The following SYNJ2 variants were observed in gnomAD, a reference collection of about 807,000 sequenced individuals.
SYNJ2 encodes synaptojanin 2.
A neutral mutation model predicts 141.3 loss-of-function variants in SYNJ2; 116 were observed. That is an observed-to-expected ratio of 0.82 (90% CI 0.71 to 0.96). The LOEUF (loss-of-function observed/expected upper bound fraction) is 0.96, where lower values mean the gene tolerates loss of function less well. Ranked by LOEUF, SYNJ2 falls within the 40% of genes least tolerant of loss-of-function variation. The pLI is 0.00. For missense variants in SYNJ2, 1,873 were observed against 1,934.8 expected (o/e 0.97, Z 0.60); for synonymous variants, 745 against 777.7 (o/e 0.96, Z 0.70).
intron 6 of SYNJ2, among the ~76,000 whole-genome samples, chr6:158,057,032 C>T (rs1018455043): frequency 6.6e-6 from 1 of 152,038 alleles, no homozygotes; most frequent in Non-Finnish European, 1.5e-5. Context: ...TCAGTCTCTC[C>T]TCACAGGACA....
In SYNJ2 at chr6:158,017,578, C is replaced by T. The variant is rs1304740717; in HGVS notation, c.214+288C>T. The T allele has an allele frequency of 9.2e-6, 4 of 437,154 alleles. 1 individual carries two copies. Among genetic ancestry groups the T allele is most frequent in the Admixed American group, 6.7e-5 (2 of 29,722 alleles). 27.1% of individuals were successfully genotyped at this position (437,154 alleles called of 1,614,324 possible). A position where few individuals can be genotyped will look rare whatever the true frequency, so the allele number is the denominator to read the frequency against. On this transcript the variant is annotated intron_variant, in intron 2 of 26. Coordinates refer to ENST00000355585, the MANE Select transcript of SYNJ2 (RefSeq NM_003898.4). ...TACAGGCATGCGCCACCATGCCCAA[C>T]TAATTTTTTGTATTTTTAGTAGAGA...
At chr6:158,019,783 G>A (rs956801932) in intron 2 of SYNJ2, among the ~76,000 whole-genome samples, 17 of 152,218 alleles carry the variant, frequency 1.1e-4, no homozygotes, top group Non-Finnish European at 2.2e-4. Context: ...TGACTTTGGC[G>A]ATGTCAGGAT....
intron 18 of SYNJ2, among the ~76,000 whole-genome samples, chr6:158,080,605 C>T (rs1181155335): frequency 1.3e-5 from 2 of 150,940 alleles, no homozygotes; most frequent in Non-Finnish European, 2.9e-5. Context: ...GAATAAAGTC[C>T]GAGAAGTGAG....
chr6:157,999,424 C>G (rs559061504), intron 1 of SYNJ2, among the ~76,000 whole-genome samples: 1 of 152,352 alleles, frequency 6.6e-6, no homozygotes, highest in African/African-American at 2.4e-5. Flanking sequence ...GACCTTTTTC[C>G]CATGGGATGT....
chr6:158,067,944 CCTCTT>C lies in SYNJ2; in HGVS notation c.1718-700_1718-696del, dbSNP rs1319698916. On this transcript the variant is annotated intron_variant, in intron 12 of 26. Transcript: ENST00000355585. ...CCCTCCAGTCCCCACGAAAGTGACT[CCTCTT>C]CTTTTCCCTGCAGGAAGGTGTGCAT... 14 of 985,266 alleles carry C rather than the reference CCTCTT, an allele frequency of 1.4e-5. No individual in the cohort carries two copies. In the East Asian group the frequency reaches 1.0e-3, roughly 72 times the overall value. The allele number at this position is 985,266 out of a possible 1,614,324, so 61.0% of individuals were successfully genotyped here.
intron 2 of SYNJ2, among the ~76,000 whole-genome samples, chr6:158,024,559 C>CA (rs1778937251): frequency 6.6e-6 from 1 of 151,836 alleles, no homozygotes; most frequent in South Asian, 2.1e-4. Flanking sequence ...AGAGGACAGC[C>CA]AAAAAAAATT....
At chr6:158,083,849 A>G in intron 21 of SYNJ2, 152 bp from the exon 22 acceptor site, 1 of 998,820 alleles carries the variant, frequency 1.0e-6, no homozygotes, top group Non-Finnish European at 1.6e-6. Context: ...TACCAATGGA[A>G]CTGGGGTACC....
intron 2 of SYNJ2, among the ~76,000 whole-genome samples, chr6:158,020,172 T>G (rs965100788): frequency 2.0e-5 from 3 of 150,400 alleles, no homozygotes; most frequent in African/African-American, 7.4e-5. Context: ...ATGACTCCAA[T>G]TGTGTGACCC....
At chr6:158,005,171 A>G (rs1004002315) in intron 1 of SYNJ2, among the ~76,000 whole-genome samples, 37 of 146,984 alleles carry the variant, frequency 2.5e-4, no homozygotes, top group South Asian at 4.3e-4. Context: ...TCCGCCTCCC[A>G]GGTTCACGCC....
chr6:158,072,722 G>T (rs1021903739), intron 15 of SYNJ2, among the ~76,000 whole-genome samples: 1 of 131,138 alleles, frequency 7.6e-6, no homozygotes, highest in Non-Finnish European at 1.6e-5. Context: ...ATTTTCAATT[G>T]TGTGTAATGC....
chr6:158,051,413 A>T (rs2502620), intron 5 of SYNJ2, among the ~76,000 whole-genome samples: 1 of 151,488 alleles, frequency 6.6e-6, no homozygotes, highest in Admixed American at 6.6e-5. Context: ...CGGTAGTGCG[A>T]CCATGAAAGT....
intron 17 of SYNJ2, 56 bp downstream of exon 17, chr6:158,076,838 G>T: frequency 6.5e-7 from 1 of 1,549,734 alleles, no homozygotes; most frequent in Non-Finnish European, 8.7e-7. Flanking sequence ...AAATGCGACG[G>T]AGGGAGAGTC....
chr6:157,993,375 G>A (rs896104111), intron 1 of SYNJ2, among the ~76,000 whole-genome samples: 2 of 151,948 alleles, frequency 1.3e-5, no homozygotes, highest in African/African-American at 2.4e-5. Context: ...TTTTTGGATC[G>A]GATTATTAGA....
chr6:158,067,408 T>C (rs1781635692), intron 12 of SYNJ2: 1 of 983,188 alleles, frequency 1.0e-6, no homozygotes, highest in Non-Finnish European at 1.2e-6. Context: ...AGTCACAAAA[T>C]AATTCATGTG....
At chr6:158,044,472 C>T (rs569189805) in intron 5 of SYNJ2, among the ~76,000 whole-genome samples, 2 of 152,290 alleles carry the variant, frequency 1.3e-5, no homozygotes, top group Middle Eastern at 3.4e-3. Flanking sequence ...TCTTGATTAA[C>T]ATTCAGTCTT....
chr6:158,030,523 C>T (rs1779304139), intron 3 of SYNJ2: 1 of 152,656 alleles, frequency 6.6e-6, no homozygotes, highest in Non-Finnish European at 1.5e-5. Context: ...CCCAACGCTC[C>T]CCACCCCCAC....
intron 4 of SYNJ2, among the ~76,000 whole-genome samples, chr6:158,037,085 C>A (rs572465146): frequency 1.3e-5 from 2 of 152,130 alleles, no homozygotes; most frequent in African/African-American, 2.4e-5. Context: ...GAAAGCAAAC[C>A]GCATGCATTT....
At position 158,028,649 on chromosome 6, in the gene SYNJ2, G is replaced by T; in HGVS notation, c.215-107G>T. Reference sequence around the variant, plus strand: ...CATGGGAAGTTGCAGGTGCACAGACGTTGCCTTCCTGGCTGCGGTTGAACC... The same window carrying T: ...CATGGGAAGTTGCAGGTGCACAGACTTTGCCTTCCTGGCTGCGGTTGAACC... On this transcript the variant is annotated intron_variant, in intron 2 of 26. Transcript: ENST00000355585. 3 of 1,464,080 alleles carry T rather than the reference G, an allele frequency of 2.0e-6. No individual in the cohort carries two copies. In the South Asian group the frequency reaches 3.9e-5, roughly 19 times the overall value. 90.7% of individuals were successfully genotyped at this position (1,464,080 alleles called of 1,614,324 possible).
chr6:158,054,153 C>G lies in SYNJ2; in HGVS notation c.796-814C>G, dbSNP rs568767407. 4.0e-5 allele frequency among the ~76,000 whole-genome samples: 6 copies of G among 151,388 alleles called. No homozygotes were observed. The East Asian group carries it at 1.2e-3, about 30-fold the overall frequency. ...CCCACCTACCCATCCACCCATCTAT[C>G]CATCCACTCAGCTATCCATCCATCC... On this transcript the variant is annotated intron_variant, in intron 5 of 26. Coordinates refer to ENST00000355585, the MANE Select transcript of SYNJ2 (RefSeq NM_003898.4).
Sources: allele counts gnomAD v4.1 joint callset (sites outside exome capture counted in the v4.1 genomes callset), GRCh38; gene constraint gnomAD v4.1.1; transcripts MANE v1.5; gene names NCBI Gene and HGNC (gene_info 2026-07-23, HGNC 2026-07-21).